Variants in KCNIP1 observed in about 807,000 individuals in gnomAD.
The protein encoded by KCNIP1 is A-type potassium channel modulatory protein KCNIP1.
In KCNIP1, 18 loss-of-function variants were observed where a neutral mutation model predicts 33.0. The observed-to-expected ratio is 0.55, with a 90% CI of 0.38 to 0.81. The LOEUF is 0.81. Ranked by LOEUF, KCNIP1 falls within the 30% of genes least tolerant of loss-of-function variation. KCNIP1 has a pLI of 0.00. For synonymous variants in KCNIP1, 93 were observed against 98.3 expected (o/e 0.95, Z 0.32); for missense variants, 238 against 271.6 (o/e 0.88, Z 0.87).
At chr5:170,482,079 T>C (rs1170740648) in intron 1 of KCNIP1, among the ~76,000 whole-genome samples, 2 of 152,254 alleles carry the variant, frequency 1.3e-5, no homozygotes, top group Non-Finnish European at 2.9e-5. Context: ...TTGCAGTCTA[T>C]GTCTTAAACC....
intron 1 of KCNIP1, among the ~76,000 whole-genome samples, chr5:170,607,037 G>T (rs564049313): frequency 4.6e-5 from 7 of 152,170 alleles, no homozygotes; most frequent in Non-Finnish European, 8.8e-5. Context: ...GTTCTCAAGC[G>T]GGCAATGCCT....
Position 170,504,552 on chromosome 5 carries a change from C to G in KCNIP1, c.-21C>G. The stretch of plus-strand genomic sequence containing the variant: ...AGGGGCCGGGCCCGGGGTCCCAACT[C>G]GCACTCAAGTCTTCGCTGCCATGGG... On this transcript the variant is annotated 5_prime_UTR_variant, in exon 1 of 8. Transcript: ENST00000328939. This position sits in a 1 kb window ranked among gnomAD's most constrained non-coding sequence, Gnocchi z 6.0. 2 of 1,612,772 alleles carry G rather than the reference C, an allele frequency of 1.2e-6. No individual in the cohort carries two copies. The highest frequency in any genetic ancestry group is 1.7e-6 in the Non-Finnish European group (2 of 1,179,968).
intron 1 of KCNIP1, chr5:170,678,643 C>G (rs2292147): frequency 0.2 from 31,117 of 152,142 alleles, 4,119 homozygotes; most frequent in East Asian, 0.56. Context: ...TCAGTATTAC[C>G]TGTTGATGGG....
chr5:170,432,534 G>A lies in KCNIP1; in HGVS notation c.88+78570G>A, dbSNP rs575397383. 1.1e-4 allele frequency among the ~76,000 whole-genome samples: 17 copies of A among 152,274 alleles called. No homozygotes were observed. In the South Asian group the frequency reaches 2.3e-3, roughly 20 times the overall value. On this transcript the variant is annotated intron_variant, in intron 1 of 7. Coordinates refer to the KCNIP1 transcript ENST00000377360. Reference sequence around the variant, plus strand: ...GGCTTGGAGGTGGGGGCTATGATACGAGCCCATATAATCAGAGAAGTTCAG... The same window carrying A: ...GGCTTGGAGGTGGGGGCTATGATACAAGCCCATATAATCAGAGAAGTTCAG...
intron 1 of KCNIP1, among the ~76,000 whole-genome samples, chr5:170,510,737 T>TA (rs1340606517): frequency 2.0e-5 from 3 of 152,156 alleles, no homozygotes; most frequent in African/African-American, 7.2e-5. Flanking sequence ...AAGGCCAGAC[T>TA]AAAAGCCTCA....
chr5:170,718,094 A>G (rs1763695415), intron 1 of KCNIP1, among the ~76,000 whole-genome samples: 1 of 152,244 alleles, frequency 6.6e-6, no homozygotes, highest in African/African-American at 2.4e-5. Context: ...ATTATAGTCC[A>G]TAAGGGAGAC....
At chr5:170,573,414 C>T (rs1757487541) in intron 1 of KCNIP1, among the ~76,000 whole-genome samples, 1 of 152,150 alleles carries the variant, frequency 6.6e-6, no homozygotes, top group African/African-American at 2.4e-5. Context: ...GGGAGATATT[C>T]TCCAGCGTCT....
At chr5:170,449,805 G>C (rs994536410) in intron 1 of KCNIP1, among the ~76,000 whole-genome samples, 1 of 151,920 alleles carries the variant, frequency 6.6e-6, no homozygotes, top group African/African-American at 2.4e-5. Flanking sequence ...CTCCTTTGCA[G>C]TTCCTTCTCC....
At chr5:170,626,229 G>A (rs928096345) in intron 1 of KCNIP1, among the ~76,000 whole-genome samples, 5 of 152,204 alleles carry the variant, frequency 3.3e-5, no homozygotes, top group African/African-American at 9.6e-5. Flanking sequence ...TTGCACTAAC[G>A]TTGTCATGCA....
intron 1 of KCNIP1, among the ~76,000 whole-genome samples, chr5:170,472,238 C>G (rs912517246): frequency 6.6e-6 from 1 of 152,156 alleles, no homozygotes; most frequent in African/African-American, 2.4e-5. Flanking sequence ...CCAAACCAGA[C>G]AGAGCCACTG....
At chr5:170,734,256 A>G (rs1043019249) in intron 7 of KCNIP1, among the ~76,000 whole-genome samples, 11 of 10,064 alleles carry the variant, frequency 1.1e-3, no homozygotes, top group African/African-American at 2.5e-3. Context: ...GCTGGGGGGA[A>G]AAAAACCTAC....
chr5:170,524,754 G>C lies in KCNIP1; in HGVS notation c.61+20121G>C, dbSNP rs1251779602. Among the ~76,000 whole-genome samples the C allele has an allele frequency of 3.3e-5, 5 of 152,138 alleles. No homozygotes were observed. The East Asian group carries it at 9.7e-4, about 29-fold the overall frequency. On this transcript the variant is annotated intron_variant, in intron 1 of 7. Transcript: ENST00000328939. ...TTTTACAGAGGGAGAAACAGGTCCT[G>C]AGAGAGGAGGGACCTTACCCATGGC...
At chr5:170,526,921 C>A (rs368312739) in intron 1 of KCNIP1, among the ~76,000 whole-genome samples, 9 of 152,056 alleles carry the variant, frequency 5.9e-5, no homozygotes, top group African/African-American at 1.7e-4. Context: ...TGGGCTTTCA[C>A]CATGTTGGCC....
chr5:170,713,549 C>T (rs1763531749), intron 1 of KCNIP1, among the ~76,000 whole-genome samples: 2 of 152,166 alleles, frequency 1.3e-5, no homozygotes, highest in Non-Finnish European at 2.9e-5. Flanking sequence ...GAATTTGAGA[C>T]CAAAATTGTC....
Position 170,598,745 on chromosome 5 carries a change from C to T in KCNIP1, c.61+94112C>T, listed in dbSNP as rs1318485074. Among the ~76,000 whole-genome samples, 6 of 152,118 alleles carry T rather than the reference C, an allele frequency of 3.9e-5. No homozygotes were observed. The East Asian group carries it at 1.2e-3, about 29-fold the overall frequency. The stretch of plus-strand genomic sequence containing the variant: ...CTCTCGAGAACAGGGATTTCCCCTG[C>T]TCTGCAAGGGACCAGTGGACAGAAG... On this transcript the variant is annotated intron_variant, in intron 1 of 7. Coordinates refer to ENST00000328939, the MANE Select transcript of KCNIP1 (RefSeq NM_014592.4).
chr5:170,497,572 T>C (rs1323159779), intron 1 of KCNIP1, among the ~76,000 whole-genome samples: 1 of 152,192 alleles, frequency 6.6e-6, no homozygotes, highest in African/African-American at 2.4e-5. Flanking sequence ...TATCAGATAC[T>C]TACAGTTTGT....
intron 1 of KCNIP1, among the ~76,000 whole-genome samples, chr5:170,495,369 C>T (rs182574750): frequency 2.0e-5 from 3 of 152,306 alleles, no homozygotes; most frequent in East Asian, 1.9e-4. Flanking sequence ...TTCTCCTTAC[C>T]GGACTTGCCC....
At chr5:170,364,434 A>G (rs1221504897) in intron 1 of KCNIP1, among the ~76,000 whole-genome samples, 1 of 152,212 alleles carries the variant, frequency 6.6e-6, no homozygotes, top group Non-Finnish European at 1.5e-5. Context: ...GACCATTCCC[A>G]TATTTTTAAA....
At chr5:170,556,548 G>A (rs1288820445) in intron 1 of KCNIP1, among the ~76,000 whole-genome samples, 3 of 152,200 alleles carry the variant, frequency 2.0e-5, no homozygotes, top group Admixed American at 1.3e-4. Flanking sequence ...GGTGGGAGCC[G>A]ATGTCAACAG....
Sources: gnomAD v4.1 joint callset for allele counts (sites outside exome capture counted in the v4.1 genomes callset) on GRCh38, gnomAD v4.1.1 for gene constraint, Gnocchi (gnomAD v3.1) non-coding constraint, MANE v1.5 for transcripts, NCBI Gene and HGNC (gene_info 2026-07-23, HGNC 2026-07-21) for gene names.